SLC12A3: variants seen among roughly 807,000 people sequenced by gnomAD.
SLC12A3 encodes Na-Cl cotransporter.
A neutral mutation model predicts 121.0 loss-of-function variants in SLC12A3; 104 were observed. The observed-to-expected ratio is 0.86, with a 90% CI of 0.73 to 1.01. The LOEUF is 1.01. SLC12A3 is among the 50% of genes least tolerant of loss of function. The pLI, the probability that SLC12A3 is intolerant of heterozygous loss-of-function variation, is 0.00. For missense variants in SLC12A3, 1,328 were observed against 1,356.3 expected, an observed-to-expected ratio of 0.98 and a Z score of 0.33; for synonymous variants, 536 against 533.4, an observed-to-expected ratio of 1.00 and a Z score of -0.07.
intron 12 of SLC12A3, among the ~76,000 whole-genome samples, chr16:56,881,360 C>T (rs2144716890): frequency 6.6e-6 from 1 of 152,282 alleles, no homozygotes; most frequent in Non-Finnish European, 1.5e-5. Flanking sequence ...TGTTCCCCGG[C>T]CCCGTCTCTG....
intron 22 of SLC12A3, among the ~76,000 whole-genome samples, chr16:56,895,106 C>T (rs1343312238): frequency 1.3e-5 from 2 of 151,346 alleles, no homozygotes; most frequent in East Asian, 3.9e-4. Context: ...GCCAAGGCAG[C>T]TGGATCCAGG....
intron 22 of SLC12A3, among the ~76,000 whole-genome samples, chr16:56,897,796 C>A: frequency 6.6e-6 from 1 of 152,180 alleles, no homozygotes; most frequent in African/African-American, 2.4e-5. Flanking sequence ...TGGGCCGCAT[C>A]CTCTGCTCTC....
At chr16:56,872,925 A>C in intron 8 of SLC12A3, 139 bp downstream of exon 8, 111 of 1,108,374 alleles carry the variant, frequency 1.0e-4, no homozygotes, top group Middle Eastern at 2.7e-4. Flanking sequence ...AACTCAGCTC[A>C]GTTCAACCCA....
At chr16:56,912,602 C>A (rs967799303) in intron 25 of SLC12A3, among the ~76,000 whole-genome samples, 1 of 152,204 alleles carries the variant, frequency 6.6e-6, no homozygotes, top group Non-Finnish European at 1.5e-5. Context: ...GCCCACTTAA[C>A]AAATATATAC....
At chr16:56,912,113 C>T (rs1366549) in intron 25 of SLC12A3, among the ~76,000 whole-genome samples, 1,890 of 152,362 alleles carry the variant, frequency 0.012, 48 homozygotes, top group African/African-American at 0.042. Context: ...CGCGGTGCTG[C>T]GGGCCCTGCC....
intron 25 of SLC12A3, among the ~76,000 whole-genome samples, chr16:56,908,452 G>A (rs2144782111): frequency 1.3e-5 from 2 of 152,178 alleles, no homozygotes; most frequent in South Asian, 4.1e-4. Context: ...GCTGCAGATA[G>A]TGATATAATT....
intron 24 of SLC12A3, 23 bp downstream of exon 24, chr16:56,902,531 G>GGGGGGGGGGCCC: frequency 4.2e-6 from 3 of 714,552 alleles, no homozygotes; most frequent in Middle Eastern, 3.2e-4. Context: ...GTGGGGGTGG[G>GGGGGGGGGGCCC]AAACGCGACA....
chr16:56,891,121 C>T (rs1006794580), intron 19 of SLC12A3, among the ~76,000 whole-genome samples: 14 of 151,800 alleles, frequency 9.2e-5, no homozygotes, highest in Non-Finnish European at 2.1e-4. Flanking sequence ...TTTCTGTAAT[C>T]CCAGCACTTT....
chr16:56,876,751 G>A (rs981413786), intron 8 of SLC12A3, among the ~76,000 whole-genome samples: 5 of 152,230 alleles, frequency 3.3e-5, no homozygotes, highest in Admixed American at 1.3e-4. Flanking sequence ...TGGATGGTGA[G>A]CAGAACAGCC....
chr16:56,898,877 A>G (rs33985974), intron 22 of SLC12A3, among the ~76,000 whole-genome samples: 5,621 of 152,254 alleles, frequency 0.037, 165 homozygotes, highest in African/African-American at 0.077. Context: ...TTGTCTGTGG[A>G]CTAGCAGCAT....
chr16:56,888,080 T>G, intron 18 of SLC12A3, 49 bp downstream of exon 18: 3 of 1,365,812 alleles, frequency 2.2e-6, no homozygotes, highest in Non-Finnish European at 2.1e-6. Flanking sequence ...TTTGGGCCCA[T>G]TGGGCCTTGA....
rs1204003834 is a variant in SLC12A3, at chr16:56,887,008, A to G, written c.2093A>G (p.Lys698Arg). 4 of 1,613,846 alleles carry G rather than the reference A, an allele frequency of 2.5e-6. No homozygotes were observed. The highest frequency in any genetic ancestry group is 3.4e-6 in the Non-Finnish European group (4 of 1,179,958). ...CAGCTCATCGCCAACGGGCACACCA[A>G]GTGGCTGAACAAGAGGAAGATCAAG... The part of the protein sequence containing the change: ...ELQLIANGHT[K>R]WLNKRKIKAF... The change falls in exon 17 of 26, where the codon AAG (lysine) becomes AGG (arginine). Residue 698 changes from lysine (K) to arginine (R), a missense_variant. Physicochemically the swap from Lys to Arg is conservative, Grantham distance 26. Transcript: ENST00000563236.
chr16:56,891,826 G>A (rs868753249), intron 19 of SLC12A3, among the ~76,000 whole-genome samples: 1 of 152,136 alleles, frequency 6.6e-6, no homozygotes, highest in African/African-American at 2.4e-5. Flanking sequence ...AGCTCAGGGC[G>A]CACCCACCGC....
chr16:56,893,966 TTTTATTTTATTTATTTATTTA>T (rs2055426071), intron 21 of SLC12A3, among the ~76,000 whole-genome samples: 1 of 106,612 alleles, frequency 9.4e-6, no homozygotes, highest in African/African-American at 4.1e-5. Context: ...TTATTTTTAT[TTTTATTTTATTTATTTATTTA>T]TTTATTTATT....
chr16:56,902,104 A>G lies in SLC12A3; in HGVS notation c.2721-269A>G, dbSNP rs190816883. ...ACTGTTGTGTAGCACAGAGCCTGGT[A>G]CAGAATCATGCTCTGTAAATACCTG... is the stretch of plus-strand genomic sequence containing the variant. On this transcript the variant is annotated intron_variant, in intron 23 of 25. Transcript: ENST00000563236. 49 of 488,954 alleles carry G rather than the reference A, an allele frequency of 1.0e-4. 1 individual carries two copies. The highest frequency in any genetic ancestry group is 8.2e-4 in the African/African-American group (42 of 51,432). 30.3% of individuals were successfully genotyped at this position (488,954 alleles called of 1,614,324 possible). A position where few individuals can be genotyped will look rare whatever the true frequency, so the allele number is the denominator to read the frequency against.
chr16:56,871,178 G>A (rs1364173249), intron 6 of SLC12A3, among the ~76,000 whole-genome samples: 1 of 152,092 alleles, frequency 6.6e-6, no homozygotes, highest in African/African-American at 2.4e-5. Context: ...CATGGCCCAG[G>A]GTGGGCATGG....
At position 56,887,771 on chromosome 16, in the gene SLC12A3, A is replaced by ATT. The variant is rs202020577; in HGVS notation, c.2179-153_2179-152dup. ...TTTGTGCAAAACAAAAATTTTTAAG[A>ATT]TTATATATATATATATATATATATA... On this transcript the variant is annotated intron_variant, in intron 17 of 25. Transcript: ENST00000563236. 0.24 allele frequency among the ~76,000 whole-genome samples: 14,900 copies of ATT among 63,382 alleles called. 2,596 individuals are homozygous for ATT. The highest frequency in any genetic ancestry group is 0.32 in the African/African-American group (3,216 of 10,114). The allele number at this position is 63,382 out of a possible 152,430, so 41.6% of individuals were successfully genotyped here.
intron 25 of SLC12A3, chr16:56,904,816 T>C (rs2144773369): frequency 2.8e-6 from 1 of 356,278 alleles, no homozygotes; most frequent in Non-Finnish European, 5.5e-6. Flanking sequence ...TGTTCAGGAA[T>C]TACTTGGCCC....
chr16:56,900,519 T>TTTTAATTATTTA (rs1555502163), intron 23 of SLC12A3, among the ~76,000 whole-genome samples: 1 of 148,436 alleles, frequency 6.7e-6, no homozygotes, highest in Non-Finnish European at 1.5e-5. Context: ...AGCATCTGAT[T>TTTTAATTATTTA]TTTATTTATT....
Sources: gnomAD v4.1 joint callset for allele counts (sites outside exome capture counted in the v4.1 genomes callset) on GRCh38, gnomAD v4.1.1 for gene constraint, MANE v1.5 for transcripts, NCBI Gene and HGNC (gene_info 2026-07-23, HGNC 2026-07-21) for gene names.